Variants in WDR77 observed in about 807,000 individuals in gnomAD.
The protein encoded by WDR77 is WD repeat domain 77, also known as methylosome protein WDR77.
In WDR77, 31 loss-of-function variants were observed where a neutral mutation model predicts 44.0. The ratio of observed to expected loss-of-function variants is 0.70; its 90% CI spans 0.53 to 0.95. The LOEUF (loss-of-function observed/expected upper bound fraction) is 0.95, where lower values mean the gene tolerates loss of function less well. Among genes scored for constraint, WDR77 ranks in the 40% least tolerant of loss-of-function variants. WDR77 has a pLI of 0.00. For missense variants in WDR77, 390 were observed against 423.9 expected (o/e 0.92, Z 0.70); for synonymous variants, 186 against 165.7 (o/e 1.12, Z -0.94).
rs79981038 is a variant in WDR77, at chr1:111,443,505, C to T, written c.620-111G>A. On this transcript the variant is annotated intron_variant, in intron 6 of 9. Transcript: ENST00000235090. ...GCACCTTTATTTGATTTCCCAAACC[C>T]TGCTAAGGCAGCAGTGTCCTCATCC... The T allele has an allele frequency of 2.3e-4, 299 of 1,312,450 alleles. No individual in the cohort carries two copies. In the East Asian group the frequency reaches 7.0e-3, roughly 31 times the overall value. The allele number at this position is 1,312,450 out of a possible 1,614,324, so 81.3% of individuals were successfully genotyped here.
chr1:111,447,860 G>C (rs932600199), intron 2 of WDR77, among the ~76,000 whole-genome samples: 1 of 152,206 alleles, frequency 6.6e-6, no homozygotes, highest in South Asian at 2.1e-4. Flanking sequence ...TTTAGTGAGA[G>C]AATATGGAAA....
Position 111,448,662 on chromosome 1 carries a change from G to A in WDR77, c.258C>T (p.Leu86=), listed in dbSNP as rs1653161635. Residue 86 remains leucine, a synonymous_variant, in exon 2 of 10, where the codon CTC becomes CTT. Coordinates refer to ENST00000235090, the MANE Select transcript of WDR77 (RefSeq NM_024102.4). ...GVQTEAGVAD[L]TWVGERGILV... ...GAATACCTCTCTCCCCAACCCAAGT[G>A]AGGTCAGCCACTCCAGCCTCCGTTT... 9 of 1,614,176 alleles carry A rather than the reference G, an allele frequency of 5.6e-6. No homozygotes were observed. The highest frequency in any genetic ancestry group is 6.8e-6 in the Non-Finnish European group (8 of 1,180,026).
chr1:111,442,222 C>T (rs1051229400), intron 8 of WDR77, 129 bp from the exon 9 acceptor site: 10 of 807,856 alleles, frequency 1.2e-5, no homozygotes, highest in Non-Finnish European at 2.0e-5. Flanking sequence ...TTTGGCTAAT[C>T]TGGCTACTAC....
chr1:111,445,566 C>T (rs551602185), intron 4 of WDR77, among the ~76,000 whole-genome samples: 1 of 151,994 alleles, frequency 6.6e-6, no homozygotes, highest in African/African-American at 2.4e-5. Context: ...TTGAGACCAG[C>T]CTGGGCAACA....
intron 7 of WDR77, among the ~76,000 whole-genome samples, chr1:111,442,993 G>A (rs754718715): frequency 5.9e-5 from 9 of 152,140 alleles, no homozygotes; most frequent in Non-Finnish European, 1.0e-4. Flanking sequence ...TCATGACCAC[G>A]ATAGCGCTAC....
intron 6 of WDR77, 53 bp downstream of exon 6, chr1:111,443,814 T>C: frequency 6.2e-7 from 1 of 1,612,886 alleles, no homozygotes; most frequent in South Asian, 1.1e-5. Context: ...AAAGACAGTC[T>C]CTTCTATCAG....
intron 3 of WDR77, 75 bp downstream of exon 3, chr1:111,447,360 C>T (rs1478081194): frequency 3.8e-6 from 6 of 1,587,790 alleles, no homozygotes; most frequent in African/African-American, 1.4e-5. Flanking sequence ...CAAAATGTTA[C>T]CTAATGAGGT....
chr1:111,442,229 C>T (rs1652846248), intron 8 of WDR77, 136 bp from the exon 9 acceptor site: 4 of 751,644 alleles, frequency 5.3e-6, no homozygotes, highest in Non-Finnish European at 9.0e-6. Context: ...AATCTGGCTA[C>T]TACAAGTCCA....
chr1:111,446,970 CCTGA>C (rs1381933566), intron 4 of WDR77, 121 bp downstream of exon 4: 1 of 953,522 alleles, frequency 1.0e-6, no homozygotes, highest in Non-Finnish European at 1.6e-6. Flanking sequence ...GATACCGGAG[CCTGA>C]CTATTGTTTT....
rs140317272 is a variant in WDR77, at chr1:111,440,175, C to A, written c.*1055G>T. 6.6e-6 allele frequency: 1 copy of A among 152,190 alleles called. No individual in the cohort carries two copies. Among genetic ancestry groups the A allele is most frequent in the East Asian group, 1.9e-4 (1 of 5,182 alleles). 9.4% of individuals were successfully genotyped at this position (152,190 alleles called of 1,614,324 possible). A position where few individuals can be genotyped will look rare whatever the true frequency, so the allele number is the denominator to read the frequency against. On this transcript the variant is annotated 3_prime_UTR_variant, in exon 10 of 10. Transcript: ENST00000235090. ...GCTACTTTGGGAAGCTGGGGAAGCA[C>A]AGGAAAAATAATGGGCTACAAGACC... is the stretch of plus-strand genomic sequence containing the variant.
At position 111,441,319 on chromosome 1, in the gene WDR77, T is replaced by C. The variant is rs1216808042; in HGVS notation, c.940A>G (p.Thr314Ala). 3 of 1,586,506 alleles carry C rather than the reference T, an allele frequency of 1.9e-6. No individual in the cohort carries two copies. The highest frequency in any genetic ancestry group is 3.5e-5 in the Admixed American group (2 of 57,382). ...TWSPLNHSLL[T>A]TVGWDHQVVH... ...ACCTGATGGTCCCAGCCCACTGTGGTAAGCAGGGAGTGATTGAGCGGGGAC... is the reference window on the plus strand; with the variant it reads ...ACCTGATGGTCCCAGCCCACTGTGGCAAGCAGGGAGTGATTGAGCGGGGAC... The change falls in exon 10 of 10, where the codon ACC (threonine) becomes GCC (alanine). Residue 314 changes from threonine (T) to alanine (A), a missense_variant. Physicochemically the swap from Thr to Ala is moderately conservative, Grantham distance 58. Coordinates refer to ENST00000235090, the MANE Select transcript of WDR77 (RefSeq NM_024102.4).
At chr1:111,447,369 G>A in intron 3 of WDR77, 66 bp downstream of exon 3, 1 of 1,603,076 alleles carries the variant, frequency 6.2e-7, no homozygotes, top group Non-Finnish European at 8.5e-7. Context: ...ACCTAATGAG[G>A]TTAACAGGAT....
At chr1:111,446,041 G>C (rs1653014097) in intron 4 of WDR77, among the ~76,000 whole-genome samples, 1 of 152,246 alleles carries the variant, frequency 6.6e-6, no homozygotes, top group Non-Finnish European at 1.5e-5. Flanking sequence ...AAAGTGCTGG[G>C]ATTACAGGCG....
At chr1:111,442,520 T>C (rs1461275139) in intron 8 of WDR77, 133 bp downstream of exon 8, 6 of 567,518 alleles carry the variant, frequency 1.1e-5, no homozygotes, top group Non-Finnish European at 1.8e-5. Flanking sequence ...AGATCTTCGA[T>C]GTTCCGAAAC....
chr1:111,445,596 C>CA, intron 4 of WDR77, among the ~76,000 whole-genome samples: 1 of 151,872 alleles, frequency 6.6e-6, no homozygotes, highest in African/African-American at 2.4e-5. Context: ...TCTGTCTCTA[C>CA]AAAAAATAGA....
intron 2 of WDR77, 53 bp from the exon 3 acceptor site, chr1:111,447,629 A>T (rs1158957453): frequency 2.5e-6 from 4 of 1,600,970 alleles, no homozygotes; most frequent in African/African-American, 1.3e-5. Context: ...CAAGGCAGTA[A>T]TTCACTTCTA....
Position 111,441,111 on chromosome 1 carries a change from C to T in WDR77, c.*119G>A, listed in dbSNP as rs552383780. ...CAGGCTGAGAGACGATGCCTATTAA[C>T]GGCACAGATCTAGCATATCAACATA... On this transcript the variant is annotated 3_prime_UTR_variant, in exon 10 of 10. Transcript: ENST00000235090. The T allele has an allele frequency of 2.1e-5, 24 of 1,120,418 alleles. No individual in the cohort carries two copies. Among genetic ancestry groups the T allele is most frequent in the African/African-American group, 6.4e-5 (4 of 62,622 alleles). 69.4% of individuals were successfully genotyped at this position (1,120,418 alleles called of 1,614,324 possible).
chr1:111,447,572 A>G lies in WDR77; in HGVS notation c.306T>C (p.Ala102=). ...TCTCATCTAGTTCCCACAATTCAAC[A>G]GCACCTGTTGGGGGTAGGGTAAGGA... ...RGILVASDSG[A]VELWELDENE... Residue 102 remains alanine, a synonymous_variant, in exon 3 of 10, where the codon GCT becomes GCC. Transcript: ENST00000235090. The G allele has an allele frequency of 6.2e-7, 1 of 1,614,242 alleles. No homozygotes were observed. Among genetic ancestry groups the G allele is most frequent in the Non-Finnish European group, 8.5e-7 (1 of 1,180,036 alleles).
chr1:111,444,273 C>A, intron 4 of WDR77, 149 bp from the exon 5 acceptor site: 2 of 697,870 alleles, frequency 2.9e-6, no homozygotes, highest in Non-Finnish European at 2.4e-6. Flanking sequence ...ATGGATTAGA[C>A]AAAAGCTAAG....
Sources: gnomAD v4.1 joint callset for allele counts (sites outside exome capture counted in the v4.1 genomes callset) on GRCh38, gnomAD v4.1.1 for gene constraint, MANE v1.5 for transcripts, NCBI Gene and HGNC (gene_info 2026-07-23, HGNC 2026-07-21) for gene names.